The following SPDYE4 variants were observed in gnomAD, a reference collection of about 807,000 sequenced individuals.
SPDYE4 encodes the protein speedy protein E4.
A neutral mutation model predicts 37.5 loss-of-function variants in SPDYE4; 30 were observed. The observed-to-expected ratio is 0.80, with a 90% CI of 0.60 to 1.09. The LOEUF is 1.09. Among genes scored for constraint, SPDYE4 ranks in the 50% least tolerant of loss-of-function variants. The pLI is 0.00. For synonymous variants in SPDYE4, 131 were observed against 120.3 expected, an observed-to-expected ratio of 1.09 and a Z score of -0.58; for missense variants, 300 against 307.9, an observed-to-expected ratio of 0.97 and a Z score of 0.19.
At chr17:8,752,833 G>A (rs904747092) in intron 6 of SPDYE4, among the ~76,000 whole-genome samples, 7 of 152,024 alleles carry the variant, frequency 4.6e-5, no homozygotes, top group Non-Finnish European at 8.8e-5. Flanking sequence ...GTGTCACTCT[G>A]TCGTCCCGGC....
downstream of SPDYE4, among the ~76,000 whole-genome samples, chr17:8,750,743 G>T (rs972201902): frequency 2.0e-5 from 3 of 151,684 alleles, no homozygotes; most frequent in Non-Finnish European, 4.4e-5. Flanking sequence ...AAAAGATTCA[G>T]CATTATTTTC....
At chr17:8,752,354 A>G (rs1248252939) in intron 6 of SPDYE4, among the ~76,000 whole-genome samples, 117 bp from the exon 7 acceptor site, 1 of 152,060 alleles carries the variant, frequency 6.6e-6, no homozygotes, top group Non-Finnish European at 1.5e-5. Context: ...ATCTGATTTT[A>G]TCTCTAACCC....
Position 8,757,610 on chromosome 17 carries a change from C to T in SPDYE4, c.110-118G>A, listed in dbSNP as rs556892602. ...CCCAAGCCTCGCAGACTGTCAGCTT[C>T]TCCAAGCCATGTTTCCACCTTTCTC... On this transcript the variant is annotated intron_variant, in intron 1 of 6. Transcript: ENST00000689094. The T allele has an allele frequency of 8.0e-5, 83 of 1,040,882 alleles. No individual in the cohort carries two copies. The South Asian group carries it at 1.3e-3, about 16-fold the overall frequency. The allele number at this position is 1,040,882 out of a possible 1,614,324, so 64.5% of individuals were successfully genotyped here.
At chr17:8,750,739 T>G (rs147120659), downstream of SPDYE4, among the ~76,000 whole-genome samples, 446 of 147,558 alleles carry the variant, frequency 3.0e-3, 1 homozygote, top group African/African-American at 0.011. Context: ...AACAAAAAGA[T>G]TCAGCATTAT....
intron 4 of SPDYE4, among the ~76,000 whole-genome samples, chr17:8,753,693 C>G (rs1252113957): frequency 6.6e-6 from 1 of 152,104 alleles, no homozygotes; most frequent in Non-Finnish European, 1.5e-5. Flanking sequence ...AGGAGATGAT[C>G]CAAGTGGTAG....
In SPDYE4 at chr17:8,757,273, T is replaced by A; in HGVS notation, c.329A>T (p.Asn110Ile). ...GGGTATCCTCCTACCAAGGAGCCTGTTGAAGGCCTCGTGGTGCTCAGGGAG... is the reference window on the plus strand; with the variant it reads ...GGGTATCCTCCTACCAAGGAGCCTGATGAAGGCCTCGTGGTGCTCAGGGAG... ...SVLPEHHEAF[N>I]RLLGDPVVQK... is the part of the protein sequence containing the mutation. Residue 110 changes from asparagine to isoleucine, a missense_variant, in exon 2 of 7, where the codon AAC becomes ATC. Physicochemically the swap from Asn to Ile is moderately radical, Grantham distance 149. Transcript: ENST00000689094. 1 of 1,605,202 alleles carries A rather than the reference T, an allele frequency of 6.2e-7. No individual in the cohort carries two copies. The highest frequency in any genetic ancestry group is 8.5e-7 in the Non-Finnish European group (1 of 1,175,658).
intron 3 of SPDYE4, among the ~76,000 whole-genome samples, chr17:8,756,144 A>G (rs2086770333): frequency 6.6e-6 from 1 of 152,142 alleles, no homozygotes; most frequent in Non-Finnish European, 1.5e-5. Context: ...ACTTGAGCCC[A>G]GGAGGCTGAG....
At chr17:8,750,257 C>T (rs2086718750), downstream of SPDYE4, among the ~76,000 whole-genome samples, 3 of 152,234 alleles carry the variant, frequency 2.0e-5, no homozygotes, top group African/African-American at 7.2e-5. Context: ...GGCGTGGTGG[C>T]AGGCGCCTTT....
rs2086743485 is a variant in SPDYE4 at position 8,753,302 on chromosome 17, C to T, written c.654+19G>A. On this transcript the variant is annotated intron_variant, in intron 5 of 6. Transcript: ENST00000689094. ...CCCCATCCCTCCCCACCCCCACCTC[C>T]TCATATGGCCCCACCTACCTCCTCC... 6.4e-7 allele frequency: 1 copy of T among 1,563,446 alleles called. No individual in the cohort carries two copies. Among genetic ancestry groups the T allele is most frequent in the African/African-American group, 1.4e-5 (1 of 73,894 alleles).
intron 4 of SPDYE4, 84 bp from the exon 5 acceptor site, chr17:8,753,573 G>A: frequency 6.6e-7 from 1 of 1,523,952 alleles, no homozygotes; most frequent in Non-Finnish European, 8.9e-7. Flanking sequence ...GAGGAGGGCA[G>A]GGGACCTTCC....
downstream of SPDYE4, among the ~76,000 whole-genome samples, chr17:8,750,580 T>C (rs2086721455): frequency 6.6e-6 from 1 of 151,826 alleles, no homozygotes; most frequent in Non-Finnish European, 1.5e-5. Context: ...CATGGTGGCC[T>C]GTGCCTGTAG....
Position 8,753,321 on chromosome 17 carries a change from C to T in SPDYE4, c.654G>A (p.Glu218=). The part of the protein sequence containing the change: ...RTWVSPEEME[E]IQAYDPEHWV... ...CACCTCCTCATATGGCCCCACCTAC[C>T]TCCTCCATCTCCTCTGGGGAAACCC... Residue 218 remains glutamate, a splice_region_variant and synonymous_variant, in exon 5 of 7, where the codon GAG becomes GAA. Transcript: ENST00000689094. The T allele has an allele frequency of 6.4e-7, 1 of 1,567,048 alleles. No homozygotes were observed. The highest frequency in any genetic ancestry group is 1.2e-5 in the South Asian group (1 of 85,754).
intron 3 of SPDYE4, among the ~76,000 whole-genome samples, chr17:8,755,834 C>T (rs540809572): frequency 8.5e-5 from 13 of 152,154 alleles, no homozygotes; most frequent in Admixed American, 1.3e-4. Context: ...TGATGATGAG[C>T]TCCAGTGGGA....
At position 8,752,962 on chromosome 17, in the gene SPDYE4, AATTTTTGT is replaced by A. The variant is rs2086739275; in HGVS notation, c.*44+124_*44+131del. On this transcript the variant is annotated intron_variant, in intron 6 of 6. Transcript: ENST00000689094. ...GAGGCGCCCACCAGGACGCCCGGCTAATTTTTGTATTTTTGTGGAGACGGGGTGTCGCC... is the reference window on the plus strand; with the variant it reads ...GAGGCGCCCACCAGGACGCCCGGCTAATTTTTGTGGAGACGGGGTGTCGCC... The A allele has an allele frequency of 3.7e-5, 29 of 777,820 alleles. 1 individual carries two copies. In the South Asian group the frequency reaches 4.9e-4, roughly 13 times the overall value. 48.2% of individuals were successfully genotyped at this position (777,820 alleles called of 1,614,324 possible). A position where few individuals can be genotyped will look rare whatever the true frequency, so the allele number is the denominator to read the frequency against.
chr17:8,748,311 C>T (rs566799371), downstream of SPDYE4, among the ~76,000 whole-genome samples: 1 of 152,340 alleles, frequency 6.6e-6, no homozygotes, highest in South Asian at 2.1e-4. Context: ...TTGCTCTCTG[C>T]CATGTGAGGG....
At chr17:8,756,143 C>T (rs576037420) in intron 3 of SPDYE4, among the ~76,000 whole-genome samples, 14 of 152,216 alleles carry the variant, frequency 9.2e-5, no homozygotes, top group Admixed American at 8.5e-4. Context: ...CACTTGAGCC[C>T]AGGAGGCTGA....
Position 8,757,257 on chromosome 17 carries a change from C to A in SPDYE4, c.340+5G>T. On this transcript the variant is annotated splice_donor_5th_base_variant and intron_variant, in intron 2 of 6. Coordinates refer to ENST00000689094, the MANE Select transcript of SPDYE4 (RefSeq NM_001394956.1). ...TTGGAGGTGCTTTTTGGGGTATCCT[C>A]CTACCAAGGAGCCTGTTGAAGGCCT... The A allele has an allele frequency of 6.2e-7, 1 of 1,600,588 alleles. No individual in the cohort carries two copies. Among genetic ancestry groups the A allele is most frequent in the Non-Finnish European group, 8.5e-7 (1 of 1,173,374 alleles).
In SPDYE4 at chr17:8,753,159, TC is replaced by T; in HGVS notation, c.692del (p.Arg231GlnfsTer41). ...AGCTCTAGGAAATGAGGGTGCGATC[TC>T]GGGCCCACACCCAGTGCTCTGGGTC... ...AYDPEHWVWA[R>X]DRTLIS On this transcript the variant is annotated frameshift_variant, in exon 6 of 7. Transcript: ENST00000689094. LOFTEE classifies it high-confidence loss of function. 2.5e-6 allele frequency: 4 copies of T among 1,613,944 alleles called. No individual in the cohort carries two copies. The highest frequency in any genetic ancestry group is 2.5e-6 in the Non-Finnish European group (3 of 1,179,990).
chr17:8,755,439 T>C (rs1250448355), intron 4 of SPDYE4, 81 bp downstream of exon 4: 2 of 1,479,582 alleles, frequency 1.4e-6, no homozygotes, highest in Non-Finnish European at 1.9e-6. Context: ...GGTAAAAAAA[T>C]AGATGGAAGG....
Sources: gnomAD v4.1 joint callset for allele counts (sites outside exome capture counted in the v4.1 genomes callset) on GRCh38, gnomAD v4.1.1 for gene constraint, MANE v1.5 for transcripts, NCBI Gene and HGNC (gene_info 2026-07-23, HGNC 2026-07-21) for gene names.